Variants in UTS2B observed in about 807,000 individuals in gnomAD.
UTS2B encodes urotensin 2B, also known as urotensin-2B.
In UTS2B, 21 loss-of-function variants were observed where a neutral mutation model predicts 19.2. That is an observed-to-expected ratio of 1.09 (90% CI 0.78 to 1.58). The LOEUF is 1.58. UTS2B is among the 40% of genes most tolerant of loss of function. The probability of loss-of-function intolerance (pLI) is 0.00; values close to 1 mark genes in which losing one functional copy is unlikely to be tolerated. For missense variants in UTS2B, 138 were observed against 130.3 expected, an observed-to-expected ratio of 1.06 and a Z score of -0.29; for synonymous variants, 57 against 50.2, an observed-to-expected ratio of 1.14 and a Z score of -0.58.
chr3:191,337,828 CG>C, the UTS2B span, among the ~76,000 whole-genome samples: 1 of 151,522 alleles, frequency 6.6e-6, no homozygotes, highest in African/African-American at 2.4e-5. Context: ...TGTTTCCTTA[CG>C]TTTTTTTTTT....
intron 8 of UTS2B, among the ~76,000 whole-genome samples, chr3:191,268,696 A>ACT (rs1415305083): frequency 6.6e-6 from 1 of 152,224 alleles, no homozygotes; most frequent in Non-Finnish European, 1.5e-5. Context: ...GGACAGTACA[A>ACT]ACTAGAGAAT....
intron 8 of UTS2B, among the ~76,000 whole-genome samples, chr3:191,271,085 T>C (rs950247131): frequency 6.6e-6 from 1 of 150,672 alleles, no homozygotes; most frequent in African/African-American, 2.5e-5. Context: ...ATGCCTGTAG[T>C]CCCAGCTACT....
At chr3:191,288,503 C>A (rs975326588) in intron 4 of UTS2B, among the ~76,000 whole-genome samples, 2 of 152,034 alleles carry the variant, frequency 1.3e-5, no homozygotes, top group Non-Finnish European at 2.9e-5. Context: ...AACAAAGATG[C>A]CAAGAACATA....
At chr3:191,278,536 A>T (rs1716300130) in intron 5 of UTS2B, among the ~76,000 whole-genome samples, 1 of 152,084 alleles carries the variant, frequency 6.6e-6, no homozygotes, top group Non-Finnish European at 1.5e-5. Flanking sequence ...AGTTTTCAAA[A>T]TAAAAATATA....
At chr3:191,339,229 G>A in the UTS2B span, among the ~76,000 whole-genome samples, 1 of 152,118 alleles carries the variant, frequency 6.6e-6, no homozygotes, top group African/African-American at 2.4e-5. Context: ...CTTTGGGGAT[G>A]ATATGTTCAA....
chr3:191,290,392 G>A (rs535684397), intron 4 of UTS2B, among the ~76,000 whole-genome samples: 2 of 152,290 alleles, frequency 1.3e-5, no homozygotes, highest in East Asian at 3.9e-4. Context: ...GCCAGGCCCT[G>A]TACTAAGCAC....
At chr3:191,299,375 C>T (rs1594951) in intron 4 of UTS2B, among the ~76,000 whole-genome samples, 41,130 of 152,138 alleles carry the variant, frequency 0.27, 6,314 homozygotes, top group African/African-American at 0.41. Context: ...GGCCCCAATA[C>T]CCTTTGCAGC....
Position 191,319,089 on chromosome 3 carries a change from C to G in UTS2B, c.-585-2650G>C, listed in dbSNP as rs142373720. ...TAGGAAACTTATGCCATAGCTGACACTTTGCTGAATTTTCCTCTGTATTAG... is the reference window on the plus strand; with the variant it reads ...TAGGAAACTTATGCCATAGCTGACAGTTTGCTGAATTTTCCTCTGTATTAG... On this transcript the variant is annotated intron_variant, in intron 2 of 8. Transcript: ENST00000340524. Among the ~76,000 whole-genome samples the G allele has an allele frequency of 7.5e-4, 114 of 152,136 alleles. 1 individual carries two copies. The highest frequency in any genetic ancestry group is 3.9e-3 in the East Asian group (20 of 5,190).
At chr3:191,271,396 T>G (rs750859525) in intron 8 of UTS2B, among the ~76,000 whole-genome samples, 2 of 152,082 alleles carry the variant, frequency 1.3e-5, no homozygotes, top group Non-Finnish European at 2.9e-5. Context: ...GAGACTGAGC[T>G]TCCATCTCCT....
At chr3:191,307,266 T>C (rs998503440) in intron 3 of UTS2B, among the ~76,000 whole-genome samples, 1 of 151,992 alleles carries the variant, frequency 6.6e-6, no homozygotes. Flanking sequence ...CATTAAAGAT[T>C]CTCCATGACC....
rs1433120770 is a variant in UTS2B at position 191,307,782 on chromosome 3, G to GCACCTTAT, written c.-181-3242_-181-3235dup. Among the ~76,000 whole-genome samples the GCACCTTAT allele has an allele frequency of 2.6e-5, 4 of 152,006 alleles. No individual in the cohort carries two copies. In the East Asian group the frequency reaches 7.7e-4, roughly 29 times the overall value. On this transcript the variant is annotated intron_variant, in intron 3 of 8. Transcript: ENST00000340524. ...AGTGGTCTCTCTTCTTTGTCAGTCA[G>GCACCTTAT]CACCTTATGTAGGTGCTTTTTCTTT...
chr3:191,285,070 T>G (rs1266125046), intron 4 of UTS2B, among the ~76,000 whole-genome samples: 1 of 152,208 alleles, frequency 6.6e-6, no homozygotes, highest in Non-Finnish European at 1.5e-5. Flanking sequence ...GGTATGTAAG[T>G]CACTAATATC....
In UTS2B at chr3:191,300,179, G is replaced by A. The variant is rs192388780; in HGVS notation, c.-125+4313C>T. ...ATTCTCCCAGCTCAGCCTCCCGAGT[G>A]GCTGGGATTACAGGCGCCCACCACC... On this transcript the variant is annotated intron_variant, in intron 4 of 8. Coordinates refer to ENST00000340524, the MANE Select transcript of UTS2B (RefSeq NM_198152.5). Among the ~76,000 whole-genome samples, 51 of 151,934 alleles carry A rather than the reference G, an allele frequency of 3.4e-4. No homozygotes were observed. In the East Asian group the frequency reaches 8.7e-3, roughly 26 times the overall value.
rs1717817897 is a variant in UTS2B, at chr3:191,328,613, T to C, written c.-586+18A>G. 1.3e-5 allele frequency: 2 copies of C among 152,168 alleles called. No homozygotes were observed. Among genetic ancestry groups the C allele is most frequent in the Admixed American group, 1.3e-4 (2 of 15,286 alleles). The allele number at this position is 152,168 out of a possible 1,614,324, so 9.4% of individuals were successfully genotyped here. Reference sequence around the variant, plus strand: ...TCTCGAGGTTCAGACATGGCACACGTTTGGGAGAGAAGCTCACCTCTGAGG... The same window carrying C: ...TCTCGAGGTTCAGACATGGCACACGCTTGGGAGAGAAGCTCACCTCTGAGG... On this transcript the variant is annotated intron_variant, in intron 2 of 8. Coordinates refer to ENST00000340524, the MANE Select transcript of UTS2B (RefSeq NM_198152.5).
upstream of UTS2B, among the ~76,000 whole-genome samples, chr3:191,331,064 G>A (rs1375505804): frequency 6.6e-6 from 1 of 152,148 alleles, no homozygotes; most frequent in Non-Finnish European, 1.5e-5. Flanking sequence ...TAGGAAAGGC[G>A]GATCCATACT....
chr3:191,284,141 A>C (rs1343737519), intron 4 of UTS2B, among the ~76,000 whole-genome samples: 1 of 152,184 alleles, frequency 6.6e-6, no homozygotes, highest in African/African-American at 2.4e-5. Flanking sequence ...TATTAAAGAC[A>C]TATGCAGCTT....
intron 2 of UTS2B, among the ~76,000 whole-genome samples, chr3:191,319,516 C>T (rs899632976): frequency 1.3e-5 from 2 of 152,112 alleles, no homozygotes; most frequent in Non-Finnish European, 1.5e-5. Context: ...TTTTAAATTA[C>T]ACCTTCTGTC....
intron 4 of UTS2B, among the ~76,000 whole-genome samples, chr3:191,288,923 A>T (rs963855161): frequency 2.0e-4 from 31 of 151,590 alleles, no homozygotes; most frequent in Non-Finnish European, 4.3e-4. Context: ...CAAAAGCAAA[A>T]ACAAACGAGA....
chr3:191,279,893 A>G (rs924121572), intron 5 of UTS2B, among the ~76,000 whole-genome samples: 1 of 134,772 alleles, frequency 7.4e-6, no homozygotes, highest in Non-Finnish European at 1.6e-5. Flanking sequence ...ACTTAGTTTT[A>G]AAACAGATAT....
Sources: allele counts gnomAD v4.1 joint callset (sites outside exome capture counted in the v4.1 genomes callset), GRCh38; gene constraint gnomAD v4.1.1; transcripts MANE v1.5; gene names NCBI Gene and HGNC (gene_info 2026-07-23, HGNC 2026-07-21).